Variants in GULP1 observed in about 807,000 individuals in gnomAD.
GULP1 encodes the protein GULP PTB domain containing engulfment adaptor 1.
GULP1 carries 19 observed loss-of-function variants against 40.9 expected under a neutral mutation model. The ratio of observed to expected loss-of-function variants is 0.46; its 90% CI spans 0.32 to 0.68. The LOEUF is 0.68. Among genes scored for constraint, GULP1 ranks in the 30% least tolerant of loss-of-function variants. The probability of loss-of-function intolerance (pLI) is 0.03; values close to 1 mark genes in which losing one functional copy is unlikely to be tolerated. For synonymous variants in GULP1, 119 were observed against 117.6 expected (o/e 1.01, Z -0.08); for missense variants, 312 against 362.2 (o/e 0.86, Z 1.12).
intron 2 of GULP1, among the ~76,000 whole-genome samples, chr2:188,387,185 G>A (rs557141648): frequency 5.7e-4 from 86 of 152,032 alleles, no homozygotes; most frequent in African/African-American, 9.4e-4. Context: ...GCAGTGAGCC[G>A]AGGTTGCACC....
At chr2:188,316,847 C>T (rs539901777) in intron 1 of GULP1, among the ~76,000 whole-genome samples, 48 of 152,162 alleles carry the variant, frequency 3.2e-4, no homozygotes, top group African/African-American at 1.1e-3. Context: ...GAACCCAAAA[C>T]CTATAACAGT....
chr2:188,299,997 A>G (rs575482130), intron 1 of GULP1, among the ~76,000 whole-genome samples: 1 of 152,340 alleles, frequency 6.6e-6, no homozygotes, highest in African/African-American at 2.4e-5. Flanking sequence ...AACCATTAGT[A>G]ATTACATAAA....
chr2:188,583,873 T>C (rs1197411282), intron 9 of GULP1, among the ~76,000 whole-genome samples: 1 of 152,214 alleles, frequency 6.6e-6, no homozygotes, highest in African/African-American at 2.4e-5. Context: ...AAATGTAATC[T>C]TATGCAGCGT....
intron 4 of GULP1, among the ~76,000 whole-genome samples, chr2:188,521,893 G>A (rs2065819380): frequency 1.3e-5 from 2 of 152,074 alleles, no homozygotes; most frequent in African/African-American, 2.4e-5. Flanking sequence ...TGGCTAACAC[G>A]GTGAAACCCC....
intron 2 of GULP1, among the ~76,000 whole-genome samples, chr2:188,466,296 C>G (rs991033342): frequency 6.6e-6 from 1 of 151,224 alleles, no homozygotes; most frequent in Non-Finnish European, 1.5e-5. Context: ...TTTTTTTCCC[C>G]CCCCGGAGTC....
At chr2:188,395,483 T>C (rs1370578765) in intron 2 of GULP1, among the ~76,000 whole-genome samples, 1 of 152,196 alleles carries the variant, frequency 6.6e-6, no homozygotes, top group Non-Finnish European at 1.5e-5. Flanking sequence ...ACAAGTCCTC[T>C]TCTCCAAGAC....
chr2:188,541,402 G>A (rs761812212), intron 7 of GULP1, 84 bp downstream of exon 7: 1 of 1,084,462 alleles, frequency 9.2e-7, no homozygotes, highest in Non-Finnish European at 1.4e-6. Flanking sequence ...CAAAGTATTT[G>A]AAAATGAATA....
At chr2:188,364,410 G>C (rs7593215) in intron 1 of GULP1, among the ~76,000 whole-genome samples, 26,959 of 152,102 alleles carry the variant, frequency 0.18, 2,456 homozygotes, top group South Asian at 0.23. Context: ...CATGGTAGTA[G>C]GCTGTCAGCC....
intron 1 of GULP1, chr2:188,297,645 C>T: frequency 5.1e-6 from 2 of 388,374 alleles, no homozygotes; most frequent in Non-Finnish European, 1.0e-5. Context: ...GCTCAGTCTT[C>T]AGTCTACCCT....
chr2:188,517,061 AT>A (rs2065247513), intron 4 of GULP1, among the ~76,000 whole-genome samples: 1 of 152,168 alleles, frequency 6.6e-6, no homozygotes, highest in Non-Finnish European at 1.5e-5. Context: ...ACCCACTAGG[AT>A]GTAAGTTCCA....
intron 1 of GULP1, among the ~76,000 whole-genome samples, chr2:188,349,233 T>C (rs1450642574): frequency 1.3e-5 from 2 of 152,230 alleles, no homozygotes; most frequent in African/African-American, 2.4e-5. Context: ...AAGTTTTTTA[T>C]GGACACAGTT....
At chr2:188,387,803 T>C (rs898545024) in intron 2 of GULP1, among the ~76,000 whole-genome samples, 2 of 152,178 alleles carry the variant, frequency 1.3e-5, no homozygotes, top group African/African-American at 4.8e-5. Context: ...CATTTGTGTC[T>C]CATTATTATA....
chr2:188,432,408 T>C (rs1203011731), intron 2 of GULP1, among the ~76,000 whole-genome samples: 1 of 151,898 alleles, frequency 6.6e-6, no homozygotes, highest in East Asian at 1.9e-4. Context: ...ATTTTTTTTT[T>C]AGTCTGTGAC....
At chr2:188,495,105 T>C (rs931132100) in intron 4 of GULP1, among the ~76,000 whole-genome samples, 1 of 152,046 alleles carries the variant, frequency 6.6e-6, no homozygotes, top group African/African-American at 2.4e-5. Context: ...TCTTGGGAGG[T>C]AAGGCCAGAT....
chr2:188,473,912 G>C (rs923968888), intron 2 of GULP1, among the ~76,000 whole-genome samples: 1 of 152,124 alleles, frequency 6.6e-6, no homozygotes, highest in Admixed American at 6.6e-5. Context: ...AAGCCTCAGA[G>C]TCTCACCCAA....
At chr2:188,405,793 A>T (rs2053002852) in intron 2 of GULP1, among the ~76,000 whole-genome samples, 1 of 152,206 alleles carries the variant, frequency 6.6e-6, no homozygotes, top group Non-Finnish European at 1.5e-5. Context: ...GAATTTCTGG[A>T]TGGGCTGATT....
intron 2 of GULP1, among the ~76,000 whole-genome samples, chr2:188,399,704 A>AC (rs1247205762): frequency 1.3e-5 from 2 of 149,830 alleles, no homozygotes; most frequent in African/African-American, 2.4e-5. Flanking sequence ...AAAAAAAAAA[A>AC]AAAAAAAAAA....
Position 188,354,500 on chromosome 2 carries a change from G to T in GULP1, c.-171-29263G>T, listed in dbSNP as rs138359485. 4.3e-3 allele frequency among the ~76,000 whole-genome samples: 656 copies of T among 152,256 alleles called. 5 individuals carry two copies. Among genetic ancestry groups the T allele is most frequent in the African/African-American group, 0.015 (621 of 41,566 alleles). ...ATATCCAACACTGTCACAGAGAGTG[G>T]ATCTGCACCTCAGGACCCATATGCC... On this transcript the variant is annotated intron_variant, in intron 1 of 11. Transcript: ENST00000409830.
chr2:188,422,103 G>T (rs1430147556), intron 2 of GULP1, among the ~76,000 whole-genome samples: 10 of 133,304 alleles, frequency 7.5e-5, no homozygotes, highest in African/African-American at 1.1e-4. Context: ...TTTTTGACCT[G>T]GTCTTTCTTG....
Sources: gnomAD v4.1 joint callset for allele counts (sites outside exome capture counted in the v4.1 genomes callset) on GRCh38, gnomAD v4.1.1 for gene constraint, MANE v1.5 for transcripts, NCBI Gene and HGNC (gene_info 2026-07-23, HGNC 2026-07-21) for gene names.